The following RCAN2 variants were observed in gnomAD, a reference collection of about 807,000 sequenced individuals.
The protein encoded by RCAN2 is calcipressin-2.
In RCAN2, 9 loss-of-function variants were observed where a neutral mutation model predicts 23.6. That is an observed-to-expected ratio of 0.38 (90% CI 0.23 to 0.67). RCAN2 has a LOEUF of 0.67. Among genes scored for constraint, RCAN2 ranks in the 30% least tolerant of loss-of-function variants. The probability of loss-of-function intolerance (pLI) is 0.51; values close to 1 mark genes in which losing one functional copy is unlikely to be tolerated. For synonymous variants in RCAN2, 109 were observed against 115.7 expected, an observed-to-expected ratio of 0.94 and a Z score of 0.37; for missense variants, 273 against 302.3, an observed-to-expected ratio of 0.90 and a Z score of 0.72.
At chr6:46,276,536 G>A (rs528050662) in intron 2 of RCAN2, among the ~76,000 whole-genome samples, 50 of 152,262 alleles carry the variant, frequency 3.3e-4, no homozygotes, top group Admixed American at 1.3e-3. Flanking sequence ...CATAAAGAAC[G>A]TGTTTAAACT....
Position 46,370,077 on chromosome 6 carries a change from T to A in RCAN2, c.225+86675A>T, listed in dbSNP as rs1466495442. On this transcript the variant is annotated intron_variant, in intron 2 of 4. Coordinates refer to ENST00000371374, the MANE Select transcript of RCAN2 (RefSeq NM_001251974.2). ...GTGGTTAACAGCTCTTAACTGACCA[T>A]CCGGGGCTTGGTTTCTACCTGGCTA... Among the ~76,000 whole-genome samples the A allele has an allele frequency of 2.0e-5, 3 of 152,146 alleles. No homozygotes were observed. In the East Asian group the frequency reaches 5.8e-4, roughly 29 times the overall value.
chr6:46,372,644 T>C (rs1765352896), intron 2 of RCAN2, among the ~76,000 whole-genome samples: 1 of 152,260 alleles, frequency 6.6e-6, no homozygotes, highest in African/African-American at 2.4e-5. Flanking sequence ...TTATTTGAGA[T>C]ATGATAGTCC....
intron 1 of RCAN2, among the ~76,000 whole-genome samples, chr6:46,474,791 C>A (rs1768667386): frequency 6.6e-6 from 1 of 152,058 alleles, no homozygotes; most frequent in Non-Finnish European, 1.5e-5. Context: ...AGGGGAGCAA[C>A]AAAAGATAAA....
chr6:46,385,210 C>A (rs907577638), intron 2 of RCAN2, among the ~76,000 whole-genome samples: 2 of 152,162 alleles, frequency 1.3e-5, no homozygotes, highest in Non-Finnish European at 2.9e-5. Flanking sequence ...AGGAGGATGA[C>A]TCCAACCCAA....
At chr6:46,250,122 C>G (rs1202688271) in intron 2 of RCAN2, among the ~76,000 whole-genome samples, 4 of 152,152 alleles carry the variant, frequency 2.6e-5, no homozygotes, top group Admixed American at 2.6e-4. Context: ...AGATGAGTAT[C>G]ACATTGTTCT....
chr6:46,341,594 T>A (rs886841063), intron 2 of RCAN2, among the ~76,000 whole-genome samples: 1 of 151,982 alleles, frequency 6.6e-6, no homozygotes, highest in African/African-American at 2.4e-5. Flanking sequence ...TTCAGGAGTT[T>A]GAGACCAGCC....
chr6:46,358,659 G>A (rs1284080936), intron 2 of RCAN2, among the ~76,000 whole-genome samples: 1 of 152,174 alleles, frequency 6.6e-6, no homozygotes, highest in Non-Finnish European at 1.5e-5. Context: ...CAGGCCCCAT[G>A]AGATTTAGTT....
intron 1 of RCAN2, among the ~76,000 whole-genome samples, chr6:46,488,316 G>A (rs1769050295): frequency 6.6e-6 from 1 of 152,194 alleles, no homozygotes; most frequent in Non-Finnish European, 1.5e-5. Flanking sequence ...AACAGTGCCT[G>A]CCTCATAAGG....
At chr6:46,314,231 A>G (rs7763020) in intron 2 of RCAN2, among the ~76,000 whole-genome samples, 114,648 of 151,648 alleles carry the variant, frequency 0.76, 43,956 homozygotes, top group Non-Finnish European at 0.83. Context: ...GCCTGGTGGC[A>G]CATGCCTGTA....
At chr6:46,238,290 C>T (rs1462213782) in intron 4 of RCAN2, among the ~76,000 whole-genome samples, 1 of 152,160 alleles carries the variant, frequency 6.6e-6, no homozygotes, top group African/African-American at 2.4e-5. Flanking sequence ...CCTTACTAGG[C>T]GTTCTCTGCC....
chr6:46,453,400 T>C (rs988173852), intron 2 of RCAN2, among the ~76,000 whole-genome samples: 1 of 152,244 alleles, frequency 6.6e-6, no homozygotes, highest in African/African-American at 2.4e-5. Flanking sequence ...CACTGAAGTA[T>C]GTGCTCACTC....
chr6:46,319,095 A>G (rs1296498843), intron 2 of RCAN2, among the ~76,000 whole-genome samples: 4 of 152,236 alleles, frequency 2.6e-5, no homozygotes, highest in East Asian at 1.9e-4. Context: ...CTTTACATAA[A>G]GAAATTCTAG....
At chr6:46,354,205 C>CTGTGTGTGTGTGTGTG (rs56237510) in intron 2 of RCAN2, among the ~76,000 whole-genome samples, 8 of 133,070 alleles carry the variant, frequency 6.0e-5, no homozygotes, top group African/African-American at 2.3e-4. Context: ...TGTTATTTTA[C>CTGTGTGTGTGTGTGTG]TGTGTGTGTG....
At chr6:46,278,570 A>G (rs1743488852) in intron 2 of RCAN2, among the ~76,000 whole-genome samples, 1 of 152,242 alleles carries the variant, frequency 6.6e-6, no homozygotes, top group Non-Finnish European at 1.5e-5. Context: ...ATTATAATCT[A>G]TAAACCACTT....
At chr6:46,314,579 G>A (rs897188630) in intron 2 of RCAN2, among the ~76,000 whole-genome samples, 2 of 151,560 alleles carry the variant, frequency 1.3e-5, no homozygotes, top group African/African-American at 4.9e-5. Flanking sequence ...TATCTCCACT[G>A]TTTTAAACTA....
At chr6:46,244,520 C>T (rs1206759393) in intron 4 of RCAN2, among the ~76,000 whole-genome samples, 1 of 152,146 alleles carries the variant, frequency 6.6e-6, no homozygotes, top group Non-Finnish European at 1.5e-5. Flanking sequence ...TTTGTGAATG[C>T]TGACAACAAC....
chr6:46,326,925 A>T (rs1205902394), intron 2 of RCAN2, among the ~76,000 whole-genome samples: 1 of 152,232 alleles, frequency 6.6e-6, no homozygotes, highest in East Asian at 1.9e-4. Flanking sequence ...CAGGCCACAA[A>T]TATGGATATT....
intron 3 of RCAN2, 90 bp downstream of exon 3, chr6:46,248,633 T>A (rs577549173): frequency 5.0e-4 from 529 of 1,063,106 alleles, no homozygotes; most frequent in Non-Finnish European, 6.5e-4. Context: ...TACCAACCAA[T>A]CTGAAAATAG....
intron 4 of RCAN2, among the ~76,000 whole-genome samples, chr6:46,240,583 C>T (rs1379876426): frequency 6.6e-6 from 1 of 152,088 alleles, no homozygotes; most frequent in Non-Finnish European, 1.5e-5. Flanking sequence ...ACTGGACACT[C>T]ACTGTTTTAC....
Sources: allele counts gnomAD v4.1 joint callset (sites outside exome capture counted in the v4.1 genomes callset), GRCh38; gene constraint gnomAD v4.1.1; transcripts MANE v1.5; gene names NCBI Gene and HGNC (gene_info 2026-07-23, HGNC 2026-07-21).